Variants in PCNP observed in about 807,000 individuals in gnomAD.
The protein encoded by PCNP is PEST proteolytic signal-containing nuclear protein.
A neutral mutation model predicts 21.8 loss-of-function variants in PCNP; 6 were observed. The observed-to-expected ratio is 0.28, with a 90% CI of 0.15 to 0.54. The LOEUF is 0.54. Ranked by LOEUF, PCNP falls within the 20% of genes least tolerant of loss-of-function variation. The probability of loss-of-function intolerance (pLI) is 0.95; values close to 1 mark genes in which losing one functional copy is unlikely to be tolerated. For missense variants in PCNP, 161 were observed against 215.5 expected (o/e 0.75, Z 1.58); for synonymous variants, 67 against 73.2 (o/e 0.92, Z 0.43).
chr3:101,584,135 C>T (rs952108728), intron 2 of PCNP, among the ~76,000 whole-genome samples: 6 of 152,128 alleles, frequency 3.9e-5, no homozygotes, highest in Admixed American at 1.3e-4. Flanking sequence ...TACTTATGAA[C>T]ACTGTGAAAC....
At chr3:101,590,973 C>T (rs913053772) in intron 4 of PCNP, among the ~76,000 whole-genome samples, 1 of 152,040 alleles carries the variant, frequency 6.6e-6, no homozygotes, top group African/African-American at 2.4e-5. Flanking sequence ...CAGACAGGAT[C>T]TTGCTGTGTT....
At chr3:101,578,499 C>A (rs962068989) in intron 1 of PCNP, among the ~76,000 whole-genome samples, 1 of 152,184 alleles carries the variant, frequency 6.6e-6, no homozygotes, top group Non-Finnish European at 1.5e-5. Context: ...CTATCTTTGT[C>A]TCTTAGGGAA....
At chr3:101,574,331 T>G in intron 1 of PCNP, 52 bp downstream of exon 1, 2 of 1,483,002 alleles carry the variant, frequency 1.3e-6, no homozygotes, top group Non-Finnish European at 1.8e-6. Context: ...GGGCCTTTCT[T>G]TGAGCTCCCA....
chr3:101,575,332 T>C (rs1451119839), intron 1 of PCNP, among the ~76,000 whole-genome samples: 2 of 152,216 alleles, frequency 1.3e-5, no homozygotes, highest in Non-Finnish European at 1.5e-5. Context: ...TAATGTTTCA[T>C]GTTAATTGCC....
At chr3:101,575,245 T>C (rs532135183) in intron 1 of PCNP, among the ~76,000 whole-genome samples, 99 of 152,320 alleles carry the variant, frequency 6.5e-4, no homozygotes, top group African/African-American at 2.0e-3. Context: ...ACCTTAGTTA[T>C]CATTCCCGAA....
intron 2 of PCNP, among the ~76,000 whole-genome samples, chr3:101,585,126 A>G (rs545710601): frequency 6.6e-6 from 1 of 152,342 alleles, no homozygotes; most frequent in South Asian, 2.1e-4. Flanking sequence ...TACTGTGGGA[A>G]GGTATTACTA....
At chr3:101,589,220 T>A (rs1432472767) in intron 3 of PCNP, among the ~76,000 whole-genome samples, 1 of 152,180 alleles carries the variant, frequency 6.6e-6, no homozygotes, top group African/African-American at 2.4e-5. Context: ...CTTACTTTAT[T>A]CAATAGGTTA....
In PCNP at chr3:101,592,730, A is replaced by C. The variant is rs113572557; in HGVS notation, c.514A>C (p.Asn172His). 13 of 1,613,086 alleles carry C rather than the reference A, an allele frequency of 8.1e-6. No individual in the cohort carries two copies. Among genetic ancestry groups the C allele is most frequent in the Non-Finnish European group, 1.1e-5 (13 of 1,179,436 alleles). Reference sequence around the variant, plus strand: ...GCGAAATATAAAATCTCATCTTGGAAATGTCCATGACCAAGACAATTAAAT... The same window carrying C: ...GCGAAATATAAAATCTCATCTTGGACATGTCCATGACCAAGACAATTAAAT... Reference protein sequence around the residue: ...WERNIKSHLGNVHDQDN With the variant: ...WERNIKSHLGHVHDQDN The change falls in exon 5 of 5, where the codon AAT (asparagine) becomes CAT (histidine). Residue 172 changes from asparagine to histidine, a missense_variant. Around this residue, in one of 4 missense-constraint regions of PCNP, gnomAD observed 66 missense variants for 127.8 expected, o/e 0.52. Transcript: ENST00000265260.
intron 2 of PCNP, among the ~76,000 whole-genome samples, chr3:101,583,224 A>G (rs1057294237): frequency 6.6e-6 from 1 of 152,156 alleles, no homozygotes; most frequent in African/African-American, 2.4e-5. Flanking sequence ...TGGGAGGCCA[A>G]GTCAGTGGAT....
intron 4 of PCNP, among the ~76,000 whole-genome samples, chr3:101,591,824 T>C: frequency 7.0e-6 from 1 of 142,392 alleles, no homozygotes; most frequent in Non-Finnish European, 1.5e-5. Context: ...CAGGCTGGAG[T>C]GCAGTGGTGT....
At chr3:101,591,567 T>C (rs1477080262) in intron 4 of PCNP, among the ~76,000 whole-genome samples, 1 of 152,184 alleles carries the variant, frequency 6.6e-6, no homozygotes, top group African/African-American at 2.4e-5. Flanking sequence ...CCAGCACATA[T>C]ATTAATATAG....
In PCNP at chr3:101,574,250, A is replaced by C; in HGVS notation, c.35A>C (p.Glu12Ala). 3 of 1,549,482 alleles carry C rather than the reference A, an allele frequency of 1.9e-6. No homozygotes were observed. The highest frequency in any genetic ancestry group is 2.6e-6 in the Non-Finnish European group (3 of 1,145,788). The stretch of plus-strand genomic sequence containing the variant: ...GGGAAGGCGGGAGACGAGAAGCCTG[A>C]AAAGTCGCAGCGAGCTGGAGCCGCC... ...ADGKAGDEKP[E>A]KSQRAGAAGG... The change falls in exon 1 of 5, where the codon GAA becomes GCA. Residue 12 changes from glutamate to alanine, a missense_variant. By Grantham distance (107) the Glu-to-Ala change is moderately radical (BLOSUM62 -1). Coordinates refer to ENST00000265260, the MANE Select transcript of PCNP (RefSeq NM_020357.3).
chr3:101,586,170 CAAAAAAAAAAAAAA>C (rs10529220), intron 3 of PCNP, among the ~76,000 whole-genome samples: 1 of 97,572 alleles, frequency 1.0e-5, no homozygotes, highest in Non-Finnish European at 2.0e-5. Context: ...GTCTCTGTCT[CAAAAAAAAAAAAAA>C]AAAAAAAAAA....
intron 1 of PCNP, among the ~76,000 whole-genome samples, chr3:101,577,945 ATATTT>A (rs1935015186): frequency 6.6e-6 from 1 of 152,226 alleles, no homozygotes; most frequent in Non-Finnish European, 1.5e-5. Flanking sequence ...TGTTAATTAC[ATATTT>A]TATTTGCTCA....
At chr3:101,582,681 C>T (rs1935287799) in intron 2 of PCNP, among the ~76,000 whole-genome samples, 1 of 152,112 alleles carries the variant, frequency 6.6e-6, no homozygotes, top group South Asian at 2.1e-4. Flanking sequence ...CAAAAGAAAA[C>T]ACTGTAAAAA....
rs1163105549 is a variant in PCNP, at chr3:101,593,462, C to T, written c.*709C>T. On this transcript the variant is annotated 3_prime_UTR_variant, in exon 5 of 5. Coordinates refer to ENST00000265260, the MANE Select transcript of PCNP (RefSeq NM_020357.3). ...AAAGTAAATCAGTATTTTGAATGTG[C>T]TTCTCTTGTTTTTTGTTTATTAGCT... is the stretch of plus-strand genomic sequence containing the variant. The T allele has an allele frequency of 6.6e-6, 1 of 152,522 alleles. No homozygotes were observed. Among genetic ancestry groups the T allele is most frequent in the African/African-American group, 2.4e-5 (1 of 41,420 alleles). The allele number at this position is 152,522 out of a possible 1,614,324, so 9.4% of individuals were successfully genotyped here.
intron 4 of PCNP, among the ~76,000 whole-genome samples, chr3:101,592,318 C>A (rs1935858466): frequency 6.6e-6 from 1 of 151,966 alleles, no homozygotes. Context: ...GGACTACAGG[C>A]ATGGACCACC....
At chr3:101,577,198 G>GT (rs932366594) in intron 1 of PCNP, among the ~76,000 whole-genome samples, 5 of 151,846 alleles carry the variant, frequency 3.3e-5, no homozygotes, top group African/African-American at 7.2e-5. Flanking sequence ...AAAATTGGTA[G>GT]TTTTTTTTTC....
intron 2 of PCNP, among the ~76,000 whole-genome samples, chr3:101,585,171 GGTAAGTGATATTGTAGATCC>G (rs752257384): frequency 6.6e-6 from 1 of 152,138 alleles, no homozygotes; most frequent in Non-Finnish European, 1.5e-5. Flanking sequence ...GTACCCCTTA[GGTAAGTGATATTGTAGATCC>G]TAACTAGAAA....
Sources: gnomAD v4.1 joint callset for allele counts (sites outside exome capture counted in the v4.1 genomes callset) on GRCh38, gnomAD v4.1.1 for gene constraint, gnomAD v4.1.1 regional missense constraint, MANE v1.5 for transcripts, NCBI Gene and HGNC (gene_info 2026-07-23, HGNC 2026-07-21) for gene names.